MYO1E: variants seen among roughly 807,000 people sequenced by gnomAD.
The protein encoded by MYO1E is myosin IE, also known as unconventional myosin-Ie.
In MYO1E, 68 loss-of-function variants were observed where a neutral mutation model predicts 151.1. That is an observed-to-expected ratio of 0.45 (90% CI 0.37 to 0.55). The LOEUF is 0.55. Among genes scored for constraint, MYO1E ranks in the 20% least tolerant of loss-of-function variants. The pLI, the probability that MYO1E is intolerant of heterozygous loss-of-function variation, is 0.00. For missense variants in MYO1E, 1,363 were observed against 1,389.3 expected (o/e 0.98, Z 0.30); for synonymous variants, 601 against 501.7 (o/e 1.20, Z -2.64).
chr15:59,271,428 A>T (rs1288489984), intron 2 of MYO1E, among the ~76,000 whole-genome samples: 1 of 152,222 alleles, frequency 6.6e-6, no homozygotes, highest in Non-Finnish European at 1.5e-5. Flanking sequence ...TTTTGGTACT[A>T]TTATATAGAT....
At chr15:59,249,867 G>A (rs1389947174) in intron 4 of MYO1E, among the ~76,000 whole-genome samples, 2 of 152,064 alleles carry the variant, frequency 1.3e-5, no homozygotes, top group Non-Finnish European at 2.9e-5. Flanking sequence ...CAGTGTCAGG[G>A]GCTACAAACT....
At chr15:59,169,526 C>CA (rs2079579955) in intron 22 of MYO1E, among the ~76,000 whole-genome samples, 1 of 152,132 alleles carries the variant, frequency 6.6e-6, no homozygotes, top group Admixed American at 6.5e-5. Context: ...TCAGTGACTG[C>CA]AATACACAGA....
intron 19 of MYO1E, 31 bp downstream of exon 19, chr15:59,178,362 G>A (rs1250668882): frequency 6.2e-7 from 1 of 1,613,434 alleles, no homozygotes; most frequent in Non-Finnish European, 8.5e-7. Flanking sequence ...CCGCGGGAGG[G>A]AAGAGAGTGG....
chr15:59,330,527 A>G (rs1049821979), intron 1 of MYO1E, among the ~76,000 whole-genome samples: 1 of 152,216 alleles, frequency 6.6e-6, no homozygotes, highest in East Asian at 1.9e-4. Flanking sequence ...GCCTAAGTCA[A>G]TCTATAGGTA....
chr15:59,335,125 T>G (rs1412664807), intron 1 of MYO1E, among the ~76,000 whole-genome samples: 1 of 152,248 alleles, frequency 6.6e-6, no homozygotes, highest in African/African-American at 2.4e-5. Flanking sequence ...GGCATTCTTG[T>G]GGCATCTAAG....
intron 15 of MYO1E, among the ~76,000 whole-genome samples, chr15:59,204,386 T>C (rs756402681): frequency 1.3e-5 from 2 of 152,202 alleles, no homozygotes; most frequent in Non-Finnish European, 2.9e-5. Flanking sequence ...TAGGAAATTA[T>C]CAGGCTCGCT....
At chr15:59,205,582 A>G (rs1196127241) in intron 14 of MYO1E, 97 bp from the exon 15 acceptor site, 3 of 1,204,974 alleles carry the variant, frequency 2.5e-6, no homozygotes, top group Non-Finnish European at 3.6e-6. Flanking sequence ...TCACCAAACA[A>G]AAAACCAAAG....
At chr15:59,161,945 A>C (rs995174161) in intron 23 of MYO1E, among the ~76,000 whole-genome samples, 1 of 152,240 alleles carries the variant, frequency 6.6e-6, no homozygotes, top group Non-Finnish European at 1.5e-5. Context: ...TCATGATATA[A>C]AGGCTTTGTC....
intron 1 of MYO1E, among the ~76,000 whole-genome samples, chr15:59,339,450 T>A (rs1465655600): frequency 1.3e-5 from 2 of 152,212 alleles, no homozygotes; most frequent in Non-Finnish European, 2.9e-5. Context: ...ACTGTAGAAT[T>A]GGTATTTCTC....
In MYO1E at chr15:59,217,519, C is replaced by CTTTTTTTTTTTTTTTT. The variant is rs1164320277; in HGVS notation, c.1107+356_1107+371dup. 2.8e-3 allele frequency among the ~76,000 whole-genome samples: 151 copies of CTTTTTTTTTTTTTTTT among 53,162 alleles called. 18 individuals carry two copies. Among genetic ancestry groups the CTTTTTTTTTTTTTTTT allele is most frequent in the African/African-American group, 0.01 (145 of 14,384 alleles). The allele number at this position is 53,162 out of a possible 152,430, so 34.9% of individuals were successfully genotyped here. A position where few individuals can be genotyped will look rare whatever the true frequency, so the allele number is the denominator to read the frequency against. On this transcript the variant is annotated intron_variant, in intron 10 of 27. Transcript: ENST00000288235. ...AACACAAAACCCTCAGTCGTTTTAC[C>CTTTTTTTTTTTTTTTT]TTTTTTTTTTTTTTTTTTTTTTGGG... is the stretch of plus-strand genomic sequence containing the variant.
At chr15:59,156,516 A>ATGGGGTTTTGCTGTGTTGCCCAGGC (rs1478163387) in intron 25 of MYO1E, among the ~76,000 whole-genome samples, 5 of 152,166 alleles carry the variant, frequency 3.3e-5, no homozygotes, top group African/African-American at 4.8e-5. Flanking sequence ...TTTTGTAGAG[A>ATGGGGTTTTGCTGTGTTGCCCAGGC]TGGGGTTTTG....
At chr15:59,175,797 AAACGATTCCC>A (rs2079621183) in intron 19 of MYO1E, among the ~76,000 whole-genome samples, 1 of 152,242 alleles carries the variant, frequency 6.6e-6, no homozygotes, top group African/African-American at 2.4e-5. Flanking sequence ...ATGAACAGGC[AAACGATTCCC>A]AACTTCCTAG....
intron 3 of MYO1E, among the ~76,000 whole-genome samples, chr15:59,258,772 G>T (rs77510050): frequency 6.6e-6 from 1 of 151,962 alleles, no homozygotes; most frequent in Admixed American, 6.6e-5. Flanking sequence ...TCGGGGGATC[G>T]CTTGAGTCCT....
chr15:59,228,095 T>C lies in MYO1E; in HGVS notation c.511-505A>G, dbSNP rs543029933. On this transcript the variant is annotated intron_variant, in intron 6 of 27. Transcript: ENST00000288235. ...GGCCTAGGGATTTTTGTCACTGTCA[T>C]TGTTATGAAAATTCCTCTTTAAATG... 4.6e-5 allele frequency among the ~76,000 whole-genome samples: 7 copies of C among 152,284 alleles called. No individual in the cohort carries two copies. In the South Asian group the frequency reaches 1.0e-3, roughly 23 times the overall value.
intron 1 of MYO1E, among the ~76,000 whole-genome samples, chr15:59,317,690 G>A (rs1224063540): frequency 2.0e-5 from 3 of 152,172 alleles, no homozygotes; most frequent in Admixed American, 1.3e-4. Flanking sequence ...AGAAAGGGAG[G>A]CAGAACTGGG....
intron 14 of MYO1E, chr15:59,208,444 A>G: frequency 1.6e-6 from 1 of 606,348 alleles, no homozygotes; most frequent in South Asian, 2.0e-5. Flanking sequence ...GTTTATACCT[A>G]TGTTCATTTA....
chr15:59,303,089 G>T (rs1278504802), intron 1 of MYO1E, among the ~76,000 whole-genome samples: 1 of 152,184 alleles, frequency 6.6e-6, no homozygotes, highest in Non-Finnish European at 1.5e-5. Flanking sequence ...ATTTTGAGAA[G>T]CCAGCTTGGC....
chr15:59,321,051 C>G (rs992310742), intron 1 of MYO1E, among the ~76,000 whole-genome samples: 5 of 152,086 alleles, frequency 3.3e-5, no homozygotes, highest in African/African-American at 1.2e-4. Context: ...CTTCTCCAAA[C>G]AAGACGTACA....
chr15:59,224,771 A>G lies in MYO1E; in HGVS notation c.695T>C (p.Met232Thr). The change falls in exon 8 of 28, where the codon ATG becomes ACG. Residue 232 changes from methionine (M) to threonine (T), a missense_variant. Coordinates refer to ENST00000288235, the MANE Select transcript of MYO1E (RefSeq NM_004998.4). ...EQKHSLGITS[M>T]DYYYYLSLSG... ...GAGGCTCAGGTAGTAATAATAGTCC[A>G]TGCTGGTGATGCCAAGGCTGTGTTT... 1 of 1,614,192 alleles carries G rather than the reference A, an allele frequency of 6.2e-7. No individual in the cohort carries two copies. The highest frequency in any genetic ancestry group is 8.5e-7 in the Non-Finnish European group (1 of 1,180,028).
Sources: gnomAD v4.1 joint callset for allele counts (sites outside exome capture counted in the v4.1 genomes callset) on GRCh38, gnomAD v4.1.1 for gene constraint, MANE v1.5 for transcripts, NCBI Gene and HGNC (gene_info 2026-07-23, HGNC 2026-07-21) for gene names.